Variants in ANKRD30B observed in about 807,000 individuals in gnomAD.
ANKRD30B encodes ankyrin repeat domain-containing protein 30B.
ANKRD30B carries 144 observed loss-of-function variants against 202.2 expected under a neutral mutation model. The ratio of observed to expected loss-of-function variants is 0.71; its 90% CI spans 0.62 to 0.82. The LOEUF (loss-of-function observed/expected upper bound fraction) is 0.82, where lower values mean the gene tolerates loss of function less well. ANKRD30B is among the 40% of genes least tolerant of loss of function. The pLI, the probability that ANKRD30B is intolerant of heterozygous loss-of-function variation, is 0.00. For missense variants in ANKRD30B, 1,487 were observed against 1,669.1 expected (o/e 0.89, Z 1.90); for synonymous variants, 508 against 561.3 (o/e 0.91, Z 1.34).
Position 14,831,181 on chromosome 18 carries a change from G to GAAAAAAAAAAAAAAAA in ANKRD30B, c.2775-198_2775-183dup, listed in dbSNP as rs71305894. ...GGCGACAGAGCGAGACTCCGTCTCG[G>GAAAAAAAAAAAAAAAA]AAAAAAAAAAAAAAAAAAACGAAAA... On this transcript the variant is annotated intron_variant, in intron 33 of 43. Coordinates refer to ENST00000690538, the MANE Select transcript of ANKRD30B (RefSeq NM_001367607.2). 1.4e-3 allele frequency among the ~76,000 whole-genome samples: 74 copies of GAAAAAAAAAAAAAAAA among 52,274 alleles called. 2 individuals are homozygous for GAAAAAAAAAAAAAAAA. Among genetic ancestry groups the GAAAAAAAAAAAAAAAA allele is most frequent in the East Asian group, 4.1e-3 (6 of 1,456 alleles). 34.3% of individuals were successfully genotyped at this position (52,274 alleles called of 152,430 possible).
At chr18:14,754,578 G>T (rs1457134900) in intron 3 of ANKRD30B, among the ~76,000 whole-genome samples, 1 of 152,074 alleles carries the variant, frequency 6.6e-6, no homozygotes, top group Non-Finnish European at 1.5e-5. Flanking sequence ...CTATGTCTTA[G>T]GGTTTAAGGA....
chr18:14,807,972 T>G (rs1297919201), intron 24 of ANKRD30B, among the ~76,000 whole-genome samples: 4 of 151,240 alleles, frequency 2.6e-5, no homozygotes, highest in Middle Eastern at 3.4e-3. Flanking sequence ...TATTCATAAC[T>G]TTTATTCTAT....
At chr18:14,826,691 T>TCACACACACACA (rs767398948) in intron 32 of ANKRD30B, among the ~76,000 whole-genome samples, 3,165 of 83,578 alleles carry the variant, frequency 0.038, 43 homozygotes, top group Middle Eastern at 0.063. Flanking sequence ...TCTCTCTCTC[T>TCACACACACACA]CTCACACACA....
At chr18:14,836,240 G>A (rs1360670598) in intron 34 of ANKRD30B, among the ~76,000 whole-genome samples, 1 of 152,036 alleles carries the variant, frequency 6.6e-6, no homozygotes, top group African/African-American at 2.4e-5. Flanking sequence ...AATCTTATAG[G>A]TCTCAAACTG....
intron 3 of ANKRD30B, among the ~76,000 whole-genome samples, chr18:14,754,525 A>G (rs1443031501): frequency 6.6e-6 from 1 of 152,140 alleles, no homozygotes; most frequent in Non-Finnish European, 1.5e-5. Flanking sequence ...TCTAGAGGTA[A>G]TATTATAGAT....
At chr18:14,914,809 G>A in the ANKRD30B span, among the ~76,000 whole-genome samples, 1 of 152,130 alleles carries the variant, frequency 6.6e-6, no homozygotes, top group Non-Finnish European at 1.5e-5. Flanking sequence ...CGTGTTTTAG[G>A]TCTCTTGAAA....
intron 1 of ANKRD30B, among the ~76,000 whole-genome samples, chr18:14,752,086 T>A (rs563196380): frequency 6.6e-6 from 1 of 152,194 alleles, no homozygotes; most frequent in South Asian, 2.1e-4. Flanking sequence ...GTAGGCATAA[T>A]TGCACCATTT....
chr18:14,920,266 G>A, the ANKRD30B span, among the ~76,000 whole-genome samples: 1 of 152,202 alleles, frequency 6.6e-6, no homozygotes, highest in Non-Finnish European at 1.5e-5. Flanking sequence ...ACTGAAACTT[G>A]TACATCTAAG....
intron 11 of ANKRD30B, among the ~76,000 whole-genome samples, chr18:14,782,016 G>A (rs1967780666): frequency 1.3e-5 from 2 of 152,090 alleles, no homozygotes; most frequent in South Asian, 4.1e-4. Context: ...TTTAACGAAA[G>A]GTAAAGATCA....
intron 5 of ANKRD30B, among the ~76,000 whole-genome samples, chr18:14,758,921 C>T (rs1243521489): frequency 6.6e-6 from 1 of 152,154 alleles, no homozygotes; most frequent in Non-Finnish European, 1.5e-5. Context: ...AAGGTCTCAT[C>T]TTATTCTGTA....
chr18:14,755,723 G>T (rs1421771629), intron 4 of ANKRD30B, among the ~76,000 whole-genome samples: 2 of 152,162 alleles, frequency 1.3e-5, no homozygotes, highest in African/African-American at 2.4e-5. Flanking sequence ...TTCCTACAAA[G>T]GACATGAACT....
chr18:14,796,473 GC>G (rs1320318327), intron 18 of ANKRD30B, 58 bp downstream of exon 18: 32 of 1,479,924 alleles, frequency 2.2e-5, no homozygotes, highest in Non-Finnish European at 2.8e-5. Context: ...TATTTGAAAT[GC>G]CGAGAGGCTT....
chr18:14,867,808 G>A, the ANKRD30B span, among the ~76,000 whole-genome samples: 1 of 152,220 alleles, frequency 6.6e-6, no homozygotes, highest in Non-Finnish European at 1.5e-5. Context: ...TGGAGGGTGG[G>A]TGTGAGAGCC....
chr18:14,796,620 C>T (rs978577910), intron 18 of ANKRD30B, among the ~76,000 whole-genome samples: 4 of 152,092 alleles, frequency 2.6e-5, no homozygotes, highest in Admixed American at 2.6e-4. Flanking sequence ...TTCAGCTTTG[C>T]CTCATGTGGA....
chr18:14,902,584 GTCCTACTC>G, the ANKRD30B span, among the ~76,000 whole-genome samples: 4 of 152,060 alleles, frequency 2.6e-5, no homozygotes, highest in Non-Finnish European at 5.9e-5. Flanking sequence ...AAATAAATTG[GTCCTACTC>G]TCCTGCAGGG....
the ANKRD30B span, among the ~76,000 whole-genome samples, chr18:14,936,683 G>A: frequency 1.3e-5 from 2 of 152,196 alleles, no homozygotes; most frequent in Admixed American, 6.5e-5. Context: ...TGTGTGAGTA[G>A]CACTCCATTC....
intron 30 of ANKRD30B, among the ~76,000 whole-genome samples, chr18:14,821,552 G>T (rs1478383997): frequency 3.3e-5 from 5 of 152,138 alleles, no homozygotes; most frequent in Admixed American, 6.5e-5. Context: ...CCGCCTCCTG[G>T]GTTCAAGTGA....
chr18:14,920,811 T>C, the ANKRD30B span, among the ~76,000 whole-genome samples: 2 of 152,238 alleles, frequency 1.3e-5, no homozygotes, highest in African/African-American at 4.8e-5. Context: ...GGGTGCTTTT[T>C]GTGGAAAACA....
the ANKRD30B span, among the ~76,000 whole-genome samples, chr18:14,937,326 C>T: frequency 6.6e-5 from 10 of 152,238 alleles, no homozygotes. Context: ...AAGCATTCCA[C>T]ACTCAACAAA....
Sources: gnomAD v4.1 joint callset for allele counts (sites outside exome capture counted in the v4.1 genomes callset) on GRCh38, gnomAD v4.1.1 for gene constraint, MANE v1.5 for transcripts, NCBI Gene and HGNC (gene_info 2026-07-23, HGNC 2026-07-21) for gene names.